The following SNTG1 variants were observed in gnomAD, a reference collection of about 807,000 sequenced individuals.
SNTG1 encodes the protein syntrophin gamma 1, also known as gamma-1-syntrophin.
In SNTG1, 39 loss-of-function variants were observed where a neutral mutation model predicts 74.7. The ratio of observed to expected loss-of-function variants is 0.52; its 90% CI spans 0.40 to 0.68. The LOEUF (loss-of-function observed/expected upper bound fraction) is 0.68. Ranked by LOEUF, SNTG1 falls within the 30% of genes least tolerant of loss-of-function variation. The pLI is 0.00. For missense variants in SNTG1, 685 were observed against 609.5 expected, an observed-to-expected ratio of 1.12 and a Z score of -1.30; for synonymous variants, 254 against 217.1, an observed-to-expected ratio of 1.17 and a Z score of -1.49.
intron 8 of SNTG1, among the ~76,000 whole-genome samples, chr8:50,454,829 T>TAAAAAAAAAAAAAAAAAAAA (rs1158732952): frequency 5.3e-4 from 50 of 95,144 alleles, no homozygotes; most frequent in African/African-American, 2.1e-3. Flanking sequence ...CAGACAGAGC[T>TAAAAAAAAAAAAAAAAAAAA]AAAAAAAAAA....
At chr8:50,111,937 G>A (rs2080608858) in intron 1 of SNTG1, among the ~76,000 whole-genome samples, 1 of 151,904 alleles carries the variant, frequency 6.6e-6, no homozygotes, top group South Asian at 2.1e-4. Flanking sequence ...TAATACTTTA[G>A]GCCAAAAAAA....
chr8:50,018,619 C>G (rs1816550997), intron 1 of SNTG1, among the ~76,000 whole-genome samples: 1 of 151,622 alleles, frequency 6.6e-6, no homozygotes, highest in South Asian at 2.1e-4. Context: ...CTTATGATAT[C>G]AAAAGCAAAA....
chr8:50,168,709 T>G (rs534400470), intron 1 of SNTG1, among the ~76,000 whole-genome samples: 1 of 152,310 alleles, frequency 6.6e-6, no homozygotes, highest in South Asian at 2.1e-4. Flanking sequence ...TATTTTCCTT[T>G]AAGAGATAAT....
intron 2 of SNTG1, among the ~76,000 whole-genome samples, chr8:50,313,451 T>A (rs1032064223): frequency 6.7e-6 from 1 of 149,584 alleles, no homozygotes; most frequent in Non-Finnish European, 1.5e-5. Context: ...TGGCAGGAAT[T>A]CAACTCCATA....
intron 17 of SNTG1, among the ~76,000 whole-genome samples, chr8:50,749,733 T>C (rs557052298): frequency 6.6e-6 from 1 of 152,150 alleles, no homozygotes; most frequent in African/African-American, 2.4e-5. Context: ...GAACATCTGT[T>C]TACAGCATGG....
chr8:50,694,006 G>C (rs1309423125), intron 15 of SNTG1, among the ~76,000 whole-genome samples: 1 of 151,930 alleles, frequency 6.6e-6, no homozygotes, highest in African/African-American at 2.4e-5. Flanking sequence ...ATTAGAAAAG[G>C]AGAAAGATTT....
chr8:50,183,266 C>A lies in SNTG1; in HGVS notation c.-28+10631C>A, dbSNP rs563440374. On this transcript the variant is annotated intron_variant, in intron 2 of 18. Transcript: ENST00000642720. ...CTCTGCGCTATTTCTGTAAGTCTTACGCTTCCGCATTCACACAGAAGATTA... is the reference window on the plus strand; with the variant it reads ...CTCTGCGCTATTTCTGTAAGTCTTAAGCTTCCGCATTCACACAGAAGATTA... Among the ~76,000 whole-genome samples, 91 of 152,276 alleles carry A rather than the reference C, an allele frequency of 6.0e-4. 1 individual carries two copies. In the South Asian group the frequency reaches 0.019, roughly 31 times the overall value.
chr8:50,178,450 G>C (rs1221748291), intron 2 of SNTG1, among the ~76,000 whole-genome samples: 1 of 151,694 alleles, frequency 6.6e-6, no homozygotes, highest in South Asian at 2.1e-4. Context: ...GAAATTGTTG[G>C]AGGTTATCTA....
intron 3 of SNTG1, among the ~76,000 whole-genome samples, chr8:50,401,590 T>G (rs2092806124): frequency 6.6e-6 from 1 of 150,574 alleles, no homozygotes; most frequent in East Asian, 1.9e-4. Flanking sequence ...GTATAAACTG[T>G]GTGTGTGTGT....
intron 9 of SNTG1, among the ~76,000 whole-genome samples, chr8:50,511,968 C>T (rs1199572189): frequency 5.3e-5 from 8 of 151,992 alleles, no homozygotes; most frequent in Non-Finnish European, 8.8e-5. Context: ...ATGATGTTAG[C>T]TGGTTATTTT....
chr8:49,991,802 G>T (rs1253932357), intron 1 of SNTG1, among the ~76,000 whole-genome samples: 1 of 152,144 alleles, frequency 6.6e-6, no homozygotes, highest in Non-Finnish European at 1.5e-5. Flanking sequence ...AGCATATGGG[G>T]TAGAGAAGAA....
At chr8:50,623,968 T>G (rs1345798141) in intron 13 of SNTG1, among the ~76,000 whole-genome samples, 1 of 152,062 alleles carries the variant, frequency 6.6e-6, no homozygotes, top group Non-Finnish European at 1.5e-5. Context: ...AGTGGTTATG[T>G]TAAGCTATCT....
chr8:50,418,448 C>A (rs2093040651), intron 4 of SNTG1, among the ~76,000 whole-genome samples: 1 of 152,068 alleles, frequency 6.6e-6, no homozygotes, highest in Non-Finnish European at 1.5e-5. Flanking sequence ...CATCTATAGG[C>A]ACTTTAATGG....
At chr8:49,930,675 A>G (rs1807497074) in intron 1 of SNTG1, among the ~76,000 whole-genome samples, 1 of 152,120 alleles carries the variant, frequency 6.6e-6, no homozygotes, top group Admixed American at 6.6e-5. Flanking sequence ...TCCTTTCCAT[A>G]TTGCATTGAA....
At chr8:49,972,762 A>G (rs1390519210) in intron 1 of SNTG1, among the ~76,000 whole-genome samples, 1 of 152,344 alleles carries the variant, frequency 6.6e-6, no homozygotes, top group East Asian at 1.9e-4. Flanking sequence ...ACAGTGAAAA[A>G]ATGCTCATCA....
intron 2 of SNTG1, among the ~76,000 whole-genome samples, chr8:50,243,319 G>A (rs184552991): frequency 1.3e-5 from 2 of 152,266 alleles, no homozygotes; most frequent in East Asian, 3.9e-4. Flanking sequence ...AGGGTTTGAT[G>A]CAAGTGTAGG....
At chr8:49,921,304 T>C (rs1255736347) in intron 1 of SNTG1, among the ~76,000 whole-genome samples, 3 of 152,044 alleles carry the variant, frequency 2.0e-5, no homozygotes, top group Admixed American at 6.6e-5. Context: ...AAACATACCA[T>C]GGTTAACAGT....
chr8:50,494,351 A>G (rs997101064), intron 8 of SNTG1, among the ~76,000 whole-genome samples: 2 of 151,868 alleles, frequency 1.3e-5, no homozygotes, highest in Non-Finnish European at 2.9e-5. Flanking sequence ...ATTTATATTA[A>G]TAATTGTCTC....
chr8:50,314,915 T>C (rs2090257260), intron 2 of SNTG1, among the ~76,000 whole-genome samples: 1 of 149,736 alleles, frequency 6.7e-6, no homozygotes, highest in African/African-American at 2.5e-5. Context: ...GATCATTACC[T>C]TGAGAGCAAG....
Sources: allele counts gnomAD v4.1 joint callset (sites outside exome capture counted in the v4.1 genomes callset), GRCh38; gene constraint gnomAD v4.1.1; transcripts MANE v1.5; gene names NCBI Gene and HGNC (gene_info 2026-07-23, HGNC 2026-07-21).